The following SLC24A2 variants were observed in gnomAD, a reference collection of about 807,000 sequenced individuals.
SLC24A2 encodes the protein sodium/potassium/calcium exchanger 2.
SLC24A2 carries 36 observed loss-of-function variants against 62.0 expected under a neutral mutation model. The observed-to-expected ratio is 0.58, with a 90% CI of 0.44 to 0.77. The LOEUF is 0.77. Among genes scored for constraint, SLC24A2 ranks in the 30% least tolerant of loss-of-function variants. SLC24A2 has a pLI of 0.00. For missense variants in SLC24A2, 846 were observed against 817.9 expected (o/e 1.03, Z -0.42); for synonymous variants, 358 against 294.0 (o/e 1.22, Z -2.23).
the SLC24A2 span, among the ~76,000 whole-genome samples, chr9:19,851,705 C>T: frequency 6.6e-6 from 1 of 152,156 alleles, no homozygotes; most frequent in Non-Finnish European, 1.5e-5. Context: ...GTATGTACCA[C>T]ATTTTTAAAA....
intron 5 of SLC24A2, among the ~76,000 whole-genome samples, chr9:19,594,379 C>A (rs1836645125): frequency 6.6e-6 from 1 of 152,122 alleles, no homozygotes; most frequent in Admixed American, 6.5e-5. Flanking sequence ...TAGCACAATT[C>A]TCTATATTTA....
the SLC24A2 span, among the ~76,000 whole-genome samples, chr9:19,979,587 C>T: frequency 6.6e-6 from 1 of 152,150 alleles, no homozygotes; most frequent in East Asian, 1.9e-4. Flanking sequence ...TTCTTTGCTT[C>T]CCCAAGGCAT....
the SLC24A2 span, among the ~76,000 whole-genome samples, chr9:20,095,684 T>C: frequency 1.2e-4 from 19 of 152,118 alleles, no homozygotes; most frequent in Non-Finnish European, 2.6e-4. Context: ...TCCTTATTTT[T>C]ATGTATCTAT....
the SLC24A2 span, among the ~76,000 whole-genome samples, chr9:19,803,010 CAG>C: frequency 2.0e-5 from 3 of 152,228 alleles, no homozygotes; most frequent in East Asian, 5.8e-4. Context: ...CCACATGAAG[CAG>C]AGAGTGAGCC....
the SLC24A2 span, among the ~76,000 whole-genome samples, chr9:20,024,915 C>T: frequency 6.6e-6 from 1 of 152,078 alleles, no homozygotes; most frequent in African/African-American, 2.4e-5. Flanking sequence ...CAAAGAAAAC[C>T]ATTGTAATTC....
chr9:19,904,722 C>T, the SLC24A2 span, among the ~76,000 whole-genome samples: 1 of 152,170 alleles, frequency 6.6e-6, no homozygotes, highest in African/African-American at 2.4e-5. Context: ...TATTCCTCAC[C>T]TATTTTATAG....
the SLC24A2 span, among the ~76,000 whole-genome samples, chr9:20,236,760 A>G: frequency 6.6e-6 from 1 of 152,092 alleles, no homozygotes; most frequent in Admixed American, 6.6e-5. Context: ...GAAAAGTAGA[A>G]TTCTTTTCAC....
intron 2 of SLC24A2, among the ~76,000 whole-genome samples, chr9:19,710,408 G>A (rs1587197391): frequency 1.3e-5 from 2 of 152,118 alleles, no homozygotes; most frequent in East Asian, 3.9e-4. Flanking sequence ...AGCCCTATCA[G>A]GGGGGTGGTG....
At chr9:19,703,201 G>A (rs1820408340) in intron 2 of SLC24A2, among the ~76,000 whole-genome samples, 1 of 152,166 alleles carries the variant, frequency 6.6e-6, no homozygotes, top group African/African-American at 2.4e-5. Context: ...GAAATGACAT[G>A]ATGGATTAGA....
intron 2 of SLC24A2, among the ~76,000 whole-genome samples, chr9:19,735,592 G>T (rs1274132487): frequency 1.3e-5 from 2 of 152,154 alleles, no homozygotes; most frequent in African/African-American, 4.8e-5. Flanking sequence ...CGACAGCAAA[G>T]ACTTGGAACC....
the SLC24A2 span, among the ~76,000 whole-genome samples, chr9:20,274,955 T>A: frequency 6.6e-6 from 1 of 152,100 alleles, no homozygotes; most frequent in Non-Finnish European, 1.5e-5. Context: ...TTGTGATGCA[T>A]GACTTTCTCC....
rs995799378 is a variant in SLC24A2, at chr9:19,599,442, C to T, written c.1079-2163G>A. 2.0e-5 allele frequency among the ~76,000 whole-genome samples: 3 copies of T among 152,102 alleles called. No homozygotes were observed. The highest frequency in any genetic ancestry group is 1.3e-4 in the Admixed American group (2 of 15,264). ...CAGCAGGTGTTGTGGCAACTCAAGG[C>T]GCACTGAGGAAGCAGTGGAAGGGAA... is the stretch of plus-strand genomic sequence containing the variant. On this transcript the variant is annotated intron_variant, in intron 4 of 10. Transcript: ENST00000341998. This position sits in a 1 kb window ranked among gnomAD's most constrained non-coding sequence, Gnocchi z 4.5.
chr9:20,245,735 G>A, the SLC24A2 span, among the ~76,000 whole-genome samples: 1 of 152,170 alleles, frequency 6.6e-6, no homozygotes, highest in Non-Finnish European at 1.5e-5. Flanking sequence ...GAGAGAAAAA[G>A]TAGATGGTAA....
intron 2 of SLC24A2, among the ~76,000 whole-genome samples, chr9:19,775,445 T>C (rs1260215387): frequency 1.3e-5 from 2 of 152,170 alleles, no homozygotes; most frequent in South Asian, 2.1e-4. Context: ...GAGCAATACA[T>C]GGTTTGGTGA....
chr9:19,653,791 C>A (rs1209458334), intron 2 of SLC24A2, among the ~76,000 whole-genome samples: 4 of 152,164 alleles, frequency 2.6e-5, no homozygotes, highest in African/African-American at 9.7e-5. Context: ...ACAGCTGATG[C>A]TTGAAATGCT....
chr9:20,005,117 T>C, the SLC24A2 span, among the ~76,000 whole-genome samples: 322 of 152,242 alleles, frequency 2.1e-3, 1 homozygote, highest in Non-Finnish European at 3.7e-3. Context: ...AAGGAGGGTG[T>C]CTAGAGAAAA....
chr9:20,053,793 T>C, the SLC24A2 span, among the ~76,000 whole-genome samples: 1 of 152,192 alleles, frequency 6.6e-6, no homozygotes. Context: ...TCTAGAAATA[T>C]GAGAAATAAA....
intron 8 of SLC24A2, among the ~76,000 whole-genome samples, chr9:19,535,790 C>G (rs1032211456): frequency 2.0e-5 from 3 of 152,134 alleles, no homozygotes; most frequent in Non-Finnish European, 2.9e-5. Context: ...ATGCCTCCAG[C>G]TTTGTTCTTT....
chr9:20,050,283 G>T, the SLC24A2 span, among the ~76,000 whole-genome samples: 2 of 151,600 alleles, frequency 1.3e-5, no homozygotes, highest in African/African-American at 4.9e-5. Flanking sequence ...GGTCATGGTG[G>T]TGCATGCTTG....
Sources: gnomAD v4.1 joint callset for allele counts (sites outside exome capture counted in the v4.1 genomes callset) on GRCh38, gnomAD v4.1.1 for gene constraint, Gnocchi (gnomAD v3.1) non-coding constraint, MANE v1.5 for transcripts, NCBI Gene and HGNC (gene_info 2026-07-23, HGNC 2026-07-21) for gene names.